The following PPP1R12B variants were observed in gnomAD, a reference collection of about 807,000 sequenced individuals.
The protein encoded by PPP1R12B is myosin phosphatase target subunit 2.
PPP1R12B carries 76 observed loss-of-function variants against 126.1 expected under a neutral mutation model. The ratio of observed to expected loss-of-function variants is 0.60; its 90% CI spans 0.50 to 0.73. The LOEUF is 0.73. PPP1R12B is among the 30% of genes least tolerant of loss of function. The pLI, the probability that PPP1R12B is intolerant of heterozygous loss-of-function variation, is 0.00. For missense variants in PPP1R12B, 1,052 were observed against 1,205.1 expected, an observed-to-expected ratio of 0.87 and a Z score of 1.88; for synonymous variants, 356 against 434.7, an observed-to-expected ratio of 0.82 and a Z score of 2.25.
At chr1:202,500,373 G>A (rs965476328) in intron 18 of PPP1R12B, among the ~76,000 whole-genome samples, 2 of 152,158 alleles carry the variant, frequency 1.3e-5, no homozygotes, top group African/African-American at 2.4e-5. Context: ...TAAATTAAAT[G>A]TGGTATATGT....
At chr1:202,439,094 G>T in intron 10 of PPP1R12B, 5 of 1,496,062 alleles carry the variant, frequency 3.3e-6, no homozygotes, top group Non-Finnish European at 3.7e-6. Context: ...CACCTCCAGC[G>T]CCAAAGTGGA....
rs34810265 is a variant in PPP1R12B at position 202,401,361 on chromosome 1, A to ATTTTTTTTT, written c.292-15405_292-15397dup. 3.0e-3 allele frequency among the ~76,000 whole-genome samples: 211 copies of ATTTTTTTTT among 71,448 alleles called. 8 individuals carry two copies. Among genetic ancestry groups the ATTTTTTTTT allele is most frequent in the Middle Eastern group, 0.016 (1 of 62 alleles). The allele number at this position is 71,448 out of a possible 152,430, so 46.9% of individuals were successfully genotyped here. On this transcript the variant is annotated intron_variant, in intron 1 of 23. Coordinates refer to ENST00000608999, the MANE Select transcript of PPP1R12B (RefSeq NM_002481.4). ...TCCACCACCATGGCTGGCTAATTTA[A>ATTTTTTTTT]TTTTTTTTTTTTTTTTTTTTTTTTT...
At chr1:202,471,919 T>C in intron 13 of PPP1R12B, 1 of 1,596,754 alleles carries the variant, frequency 6.3e-7, no homozygotes, top group Non-Finnish European at 8.5e-7. Flanking sequence ...TTTCCTCCCG[T>C]AGGCTGGCAG....
In PPP1R12B at chr1:202,535,053, GTA is replaced by G. The variant is rs879498098; in HGVS notation, c.2491-23822_2491-23821del. ...GTGATGGATGATTATGTGTGTGTGT[GTA>G]TGTGTGTGTGTGTGTGTGTGTGTGT... On this transcript the variant is annotated intron_variant, in intron 18 of 23. Coordinates refer to ENST00000608999, the MANE Select transcript of PPP1R12B (RefSeq NM_002481.4). Among the ~76,000 whole-genome samples, 396 of 148,616 alleles carry G rather than the reference GTA, an allele frequency of 2.7e-3. 1 individual carries two copies. Among genetic ancestry groups the G allele is most frequent in the Non-Finnish European group, 4.5e-3 (303 of 67,302 alleles).
At chr1:202,578,459 G>A (rs1689290219) in intron 23 of PPP1R12B, among the ~76,000 whole-genome samples, 1 of 152,236 alleles carries the variant, frequency 6.6e-6, no homozygotes, top group South Asian at 2.1e-4. Context: ...ATTGAAATGA[G>A]TTTCCAAGCA....
intron 10 of PPP1R12B, chr1:202,438,296 A>G (rs768235772): frequency 7.3e-6 from 11 of 1,513,276 alleles, no homozygotes; most frequent in South Asian, 1.1e-5. Context: ...AAAGCAAAAA[A>G]TGGATCAGCA....
At chr1:202,409,047 C>T (rs1667037644) in intron 1 of PPP1R12B, among the ~76,000 whole-genome samples, 1 of 151,402 alleles carries the variant, frequency 6.6e-6, no homozygotes, top group Admixed American at 6.6e-5. Context: ...CCATGTTGCC[C>T]AGGCTGGTCT....
intron 1 of PPP1R12B, among the ~76,000 whole-genome samples, chr1:202,375,662 C>G (rs1420026168): frequency 7.9e-5 from 12 of 152,312 alleles, no homozygotes; most frequent in South Asian, 2.1e-4. Context: ...CTGCTGGGCT[C>G]AAGGGATCCT....
chr1:202,359,675 C>T (rs1657795864), intron 1 of PPP1R12B, among the ~76,000 whole-genome samples: 1 of 16,936 alleles, frequency 5.9e-5, no homozygotes, highest in African/African-American at 3.3e-4. Context: ...CAGCTACTGG[C>T]GGTGGGGGGT....
intron 3 of PPP1R12B, among the ~76,000 whole-genome samples, chr1:202,425,071 A>G (rs10158100): frequency 0.41 from 62,529 of 152,054 alleles, 14,816 homozygotes; most frequent in East Asian, 0.7. Context: ...AGAGGGACCC[A>G]GGATATCGGA....
At chr1:202,478,356 C>T (rs1676938586) in intron 13 of PPP1R12B, among the ~76,000 whole-genome samples, 1 of 152,194 alleles carries the variant, frequency 6.6e-6, no homozygotes, top group South Asian at 2.1e-4. Flanking sequence ...AGGACTTAGT[C>T]TCTACTGAAA....
Position 202,586,661 on chromosome 1 carries a change from G to T in PPP1R12B, c.*6101G>T, listed in dbSNP as rs1308508642. 6.6e-6 allele frequency: 1 copy of T among 152,186 alleles called. No individual in the cohort carries two copies. The highest frequency in any genetic ancestry group is 1.9e-4 in the East Asian group (1 of 5,204). 9.4% of individuals were successfully genotyped at this position (152,186 alleles called of 1,614,324 possible). On this transcript the variant is annotated 3_prime_UTR_variant, in exon 24 of 24. Transcript: ENST00000608999. ...GGCTGAGAAAAAACACAGAATCTTG[G>T]CCAGCAGCCAGCAGCTGCATGGTGA... is the stretch of plus-strand genomic sequence containing the variant.
At chr1:202,485,369 C>T (rs1677952887) in intron 13 of PPP1R12B, among the ~76,000 whole-genome samples, 1 of 138,610 alleles carries the variant, frequency 7.2e-6, no homozygotes, top group South Asian at 2.2e-4. Context: ...GTAGTAGGTT[C>T]AGTTTCAAGA....
At chr1:202,439,444 G>C in intron 10 of PPP1R12B, 1 of 1,361,726 alleles carries the variant, frequency 7.3e-7, no homozygotes, top group South Asian at 1.2e-5. Flanking sequence ...GGCGACCCCA[G>C]CTGGCTGCCC....
intron 17 of PPP1R12B, 119 bp downstream of exon 17, chr1:202,495,801 A>G: frequency 2.3e-6 from 2 of 856,864 alleles, no homozygotes; most frequent in Non-Finnish European, 3.6e-6. Flanking sequence ...CTCAGGAAGT[A>G]TTACTGAGGA....
intron 1 of PPP1R12B, among the ~76,000 whole-genome samples, chr1:202,355,254 A>G (rs1246000422): frequency 2.0e-5 from 3 of 152,152 alleles, no homozygotes; most frequent in African/African-American, 7.2e-5. Context: ...TTCTTAATTA[A>G]CAACTAATAT....
chr1:202,448,892 G>C, intron 12 of PPP1R12B, 97 bp from the exon 13 acceptor site: 1 of 1,307,408 alleles, frequency 7.6e-7, no homozygotes, highest in Non-Finnish European at 1.1e-6. Flanking sequence ...AGATTTCCTA[G>C]ATGAACCACT....
At chr1:202,520,750 G>A (rs1174562785) in intron 18 of PPP1R12B, among the ~76,000 whole-genome samples, 2 of 152,166 alleles carry the variant, frequency 1.3e-5, no homozygotes, top group East Asian at 1.9e-4. Context: ...GGGTGGCAGA[G>A]TGAATACTCC....
chr1:202,552,300 G>A (rs1409597648), intron 18 of PPP1R12B, among the ~76,000 whole-genome samples: 2 of 152,138 alleles, frequency 1.3e-5, no homozygotes, highest in Non-Finnish European at 2.9e-5. Context: ...TCACTTCAAA[G>A]TTAGAGACTG....
Sources: allele counts gnomAD v4.1 joint callset (sites outside exome capture counted in the v4.1 genomes callset), GRCh38; gene constraint gnomAD v4.1.1; transcripts MANE v1.5; gene names NCBI Gene and HGNC (gene_info 2026-07-23, HGNC 2026-07-21).